The following NMNAT3 variants were observed in gnomAD, a reference collection of about 807,000 sequenced individuals.
NMNAT3 encodes nicotinamide nucleotide adenylyltransferase 3.
In NMNAT3, 21 loss-of-function variants were observed where a neutral mutation model predicts 24.8. The observed-to-expected ratio is 0.85, with a 90% CI of 0.60 to 1.22. The LOEUF (loss-of-function observed/expected upper bound fraction) is 1.22. NMNAT3 is among the 50% of genes most tolerant of loss of function. NMNAT3 has a pLI of 0.00. For missense variants in NMNAT3, 387 were observed against 436.6 expected (o/e 0.89, Z 1.01); for synonymous variants, 136 against 155.2 (o/e 0.88, Z 0.92).
intron 1 of NMNAT3, chr3:139,672,608 T>G (rs1284565734): frequency 6.6e-6 from 1 of 152,242 alleles, no homozygotes; most frequent in East Asian, 1.9e-4. Context: ...CTCACCCGAC[T>G]AAGAGTAGCA....
chr3:139,641,498 A>C (rs1221029312), intron 1 of NMNAT3, among the ~76,000 whole-genome samples: 1 of 152,164 alleles, frequency 6.6e-6, no homozygotes, highest in Non-Finnish European at 1.5e-5. Flanking sequence ...GGGACCAGTC[A>C]TATCCCTGGG....
intron 4 of NMNAT3, among the ~76,000 whole-genome samples, chr3:139,582,132 T>C (rs1278043405): frequency 7.1e-6 from 1 of 140,936 alleles, no homozygotes; most frequent in Admixed American, 7.3e-5. Flanking sequence ...GAGGCAGAGG[T>C]TGCAGTGAGC....
At chr3:139,673,817 T>G (rs1431694232) in intron 1 of NMNAT3, among the ~76,000 whole-genome samples, 1 of 151,848 alleles carries the variant, frequency 6.6e-6, no homozygotes, top group African/African-American at 2.4e-5. Context: ...AGAAACAACG[T>G]GCCAGGCATG....
At chr3:139,596,658 G>A (rs1013137430) in intron 3 of NMNAT3, among the ~76,000 whole-genome samples, 9 of 151,660 alleles carry the variant, frequency 5.9e-5, no homozygotes, top group African/African-American at 2.2e-4. Context: ...GAGAGCCTCT[G>A]GATACTTTTC....
intron 3 of NMNAT3, among the ~76,000 whole-genome samples, chr3:139,607,263 T>C (rs570844889): frequency 6.6e-6 from 1 of 152,218 alleles, no homozygotes; most frequent in Non-Finnish European, 1.5e-5. Flanking sequence ...AAACTGTTCA[T>C]ACTGAAACCT....
chr3:139,583,508 G>A, intron 3 of NMNAT3: 2 of 1,551,816 alleles, frequency 1.3e-6, no homozygotes, highest in Admixed American at 1.7e-5. Context: ...TGAAGCTATG[G>A]AAGTAGTTTG....
At chr3:139,561,896 G>C (rs902303300) in intron 6 of NMNAT3, among the ~76,000 whole-genome samples, 2 of 152,132 alleles carry the variant, frequency 1.3e-5, no homozygotes, top group Non-Finnish European at 2.9e-5. Context: ...TAATTATAAA[G>C]GCTCTTTGGA....
chr3:139,664,706 G>A (rs144213211), intron 1 of NMNAT3, among the ~76,000 whole-genome samples: 3 of 152,308 alleles, frequency 2.0e-5, no homozygotes, highest in African/African-American at 7.2e-5. Flanking sequence ...TAGCTTCAGT[G>A]AAGTTTCTCT....
At chr3:139,653,521 G>A (rs1049340147) in intron 1 of NMNAT3, among the ~76,000 whole-genome samples, 8 of 152,140 alleles carry the variant, frequency 5.3e-5, no homozygotes, top group African/African-American at 1.9e-4. Context: ...GACTATATTA[G>A]CAAATACAGC....
At chr3:139,674,959 C>CA (rs773130847) in intron 1 of NMNAT3, among the ~76,000 whole-genome samples, 30 of 152,114 alleles carry the variant, frequency 2.0e-4, no homozygotes, top group Non-Finnish European at 3.7e-4. Context: ...TTTACAGATG[C>CA]AAAAACAGGT....
intron 1 of NMNAT3, among the ~76,000 whole-genome samples, chr3:139,654,207 A>C (rs1313627263): frequency 6.6e-6 from 1 of 152,214 alleles, no homozygotes; most frequent in East Asian, 1.9e-4. Context: ...TGCAGATAAA[A>C]ATAAAGTCAA....
intron 3 of NMNAT3, among the ~76,000 whole-genome samples, chr3:139,620,746 C>T (rs1368883747): frequency 2.0e-5 from 3 of 151,940 alleles, no homozygotes; most frequent in Admixed American, 6.6e-5. Flanking sequence ...CAGGATGTCA[C>T]TCTGTTGTCC....
intron 3 of NMNAT3, among the ~76,000 whole-genome samples, chr3:139,626,329 G>T (rs1005934079): frequency 2.0e-5 from 3 of 151,526 alleles, no homozygotes; most frequent in Admixed American, 6.6e-5. Flanking sequence ...TTTTTAGATA[G>T]TTCCTATTAT....
At chr3:139,599,962 C>T (rs181276447) in intron 3 of NMNAT3, among the ~76,000 whole-genome samples, 6 of 152,318 alleles carry the variant, frequency 3.9e-5, no homozygotes, top group South Asian at 2.1e-4. Context: ...GCAGCACAGT[C>T]GGCCAGCTGG....
At chr3:139,624,134 T>C (rs2108299896) in intron 3 of NMNAT3, among the ~76,000 whole-genome samples, 1 of 152,360 alleles carries the variant, frequency 6.6e-6, no homozygotes, top group South Asian at 2.1e-4. Flanking sequence ...CATTTGTTTA[T>C]TAAAGTGGAA....
At chr3:139,562,638 A>G (rs1368095704) in intron 6 of NMNAT3, among the ~76,000 whole-genome samples, 1 of 152,230 alleles carries the variant, frequency 6.6e-6, no homozygotes, top group Non-Finnish European at 1.5e-5. Context: ...GACCAGAGAG[A>G]TGAGTTCACA....
chr3:139,612,871 CAAGAAATGGGGA>C lies in NMNAT3; in HGVS notation c.109+14733_109+14744del, dbSNP rs564575215. Among the ~76,000 whole-genome samples, 4 of 152,198 alleles carry C rather than the reference CAAGAAATGGGGA, an allele frequency of 2.6e-5. No homozygotes were observed. In the South Asian group the frequency reaches 8.3e-4, roughly 32 times the overall value. On this transcript the variant is annotated intron_variant, in intron 3 of 6. Coordinates refer to ENST00000643695, the MANE Select transcript of NMNAT3 (RefSeq NM_001320510.2). ...TGATCTTTGACAAACCTGACAAAAA[CAAGAAATGGGGA>C]AAGGATTCCCTATTTAATAAATGGT...
At chr3:139,666,770 A>G (rs1394425195) in intron 1 of NMNAT3, among the ~76,000 whole-genome samples, 1 of 152,116 alleles carries the variant, frequency 6.6e-6, no homozygotes, top group Non-Finnish European at 1.5e-5. Context: ...CCCTCTGGTT[A>G]TGATCATTCT....
chr3:139,666,217 C>T (rs1238987732), intron 1 of NMNAT3, among the ~76,000 whole-genome samples: 3 of 152,050 alleles, frequency 2.0e-5, no homozygotes, highest in Non-Finnish European at 2.9e-5. Context: ...TATTTTGTCC[C>T]CCTGAAGATA....
Sources: gnomAD v4.1 joint callset for allele counts (sites outside exome capture counted in the v4.1 genomes callset) on GRCh38, gnomAD v4.1.1 for gene constraint, MANE v1.5 for transcripts, NCBI Gene and HGNC (gene_info 2026-07-23, HGNC 2026-07-21) for gene names.